The following UNC13C variants were observed in gnomAD, a reference collection of about 807,000 sequenced individuals.
UNC13C encodes the protein unc-13 homolog C.
A neutral mutation model predicts 245.4 loss-of-function variants in UNC13C; 174 were observed. The observed-to-expected ratio is 0.71, with a 90% CI of 0.63 to 0.80. The LOEUF (loss-of-function observed/expected upper bound fraction) is 0.80. UNC13C is among the 30% of genes least tolerant of loss of function. The pLI is 0.00. For synonymous variants in UNC13C, 992 were observed against 895.1 expected (o/e 1.11, Z -1.93); for missense variants, 2,829 against 2,602.9 (o/e 1.09, Z -1.89).
chr15:54,251,635 T>C (rs1173846689), intron 8 of UNC13C, among the ~76,000 whole-genome samples: 1 of 152,254 alleles, frequency 6.6e-6, no homozygotes, highest in East Asian at 1.9e-4. Context: ...ATTTATTTGG[T>C]AGTGTCACTT....
chr15:53,917,742 G>A, the UNC13C span, among the ~76,000 whole-genome samples: 1 of 152,202 alleles, frequency 6.6e-6, no homozygotes. Context: ...GATGGGCAAG[G>A]AATGTTCAAA....
In UNC13C at chr15:54,623,900, G is replaced by T; in HGVS notation, c.6305G>T (p.Gly2102Val). Residue 2102 changes from glycine (G) to valine (V), a missense_variant, in exon 32 of 33, where the codon GGC becomes GTC. By Grantham distance (109) the Gly-to-Val change is moderately radical (BLOSUM62 -3). Coordinates refer to ENST00000260323, the MANE Select transcript of UNC13C (RefSeq NM_001080534.3). The stretch of plus-strand genomic sequence containing the variant: ...CTTGGAGACAAGAAGAGAAAACAAG[G>T]CACAAAAACAAAAAGCAACACATGG... Reference protein sequence around the residue: ...PNLGDKKRKQGTKTKSNTWSP... With the variant: ...PNLGDKKRKQVTKTKSNTWSP... The T allele has an allele frequency of 1.9e-6, 3 of 1,613,206 alleles. No homozygotes were observed. The highest frequency in any genetic ancestry group is 2.5e-6 in the Non-Finnish European group (3 of 1,179,460).
intron 13 of UNC13C, chr15:54,320,979 C>G (rs927341565): frequency 7.2e-6 from 3 of 415,248 alleles, no homozygotes; most frequent in Non-Finnish European, 9.4e-6. Context: ...GCCACCATAT[C>G]CACTACCACC....
chr15:53,947,930 C>G, the UNC13C span: 17 of 152,196 alleles, frequency 1.1e-4, 1 homozygote, highest in Non-Finnish European at 1.6e-4. Context: ...TCATGATACA[C>G]ATTGTTGAAA....
At chr15:54,507,084 C>A (rs1368092261) in intron 22 of UNC13C, 33 bp from the exon 23 acceptor site, 7 of 1,438,210 alleles carry the variant, frequency 4.9e-6, no homozygotes, top group Non-Finnish European at 5.7e-6. Flanking sequence ...TACATACTTA[C>A]CTGGGTAAAG....
rs1299682916 is a variant in UNC13C at position 54,014,871 on chromosome 15, A to G, written c.1968A>G (p.Pro656=). 6.2e-6 allele frequency: 10 copies of G among 1,613,810 alleles called. No homozygotes were observed. Among genetic ancestry groups the G allele is most frequent in the African/African-American group, 2.7e-5 (2 of 74,922 alleles). The change falls in exon 2 of 33, where the codon CCA becomes CCG. Residue 656 remains proline, a synonymous_variant. Transcript: ENST00000260323. ...SQLSLHEDLS[P]WKEWNQGADL... ...TCTCTTTACATGAGGATCTTTCTCC[A>G]TGGAAGGAATGGAATCAAGGAGCTG...
intron 2 of UNC13C, among the ~76,000 whole-genome samples, chr15:54,100,823 T>A (rs1303778678): frequency 6.6e-6 from 1 of 152,128 alleles, no homozygotes; most frequent in South Asian, 2.1e-4. Context: ...ACTGACCACA[T>A]GGATTTTTTA....
the UNC13C span, among the ~76,000 whole-genome samples, chr15:53,877,707 C>A: frequency 6.6e-6 from 1 of 152,062 alleles, no homozygotes; most frequent in South Asian, 2.1e-4. Context: ...GAGAAATGTA[C>A]AGATGTTAAG....
chr15:54,184,048 G>A (rs1168936474), intron 4 of UNC13C, among the ~76,000 whole-genome samples: 1 of 151,958 alleles, frequency 6.6e-6, no homozygotes, highest in East Asian at 1.9e-4. Flanking sequence ...AATTTGTTTA[G>A]CATTATAATT....
At chr15:54,529,733 G>C (rs1895647738) in intron 25 of UNC13C, among the ~76,000 whole-genome samples, 1 of 152,170 alleles carries the variant, frequency 6.6e-6, no homozygotes, top group Admixed American at 6.5e-5. Context: ...TGGAGGAGGA[G>C]AGGAGTGGGA....
At chr15:54,357,305 C>A (rs1333425968) in intron 17 of UNC13C, among the ~76,000 whole-genome samples, 2 of 151,906 alleles carry the variant, frequency 1.3e-5, no homozygotes, top group East Asian at 3.8e-4. Context: ...AAGTATAGAG[C>A]AGAATCAAAT....
the UNC13C span, among the ~76,000 whole-genome samples, chr15:53,915,011 A>T: frequency 6.6e-6 from 1 of 152,214 alleles, no homozygotes; most frequent in African/African-American, 2.4e-5. Flanking sequence ...GGGGAATGTC[A>T]TAATGGAGGC....
At chr15:54,159,796 C>A (rs1196401794) in intron 4 of UNC13C, among the ~76,000 whole-genome samples, 18 of 152,196 alleles carry the variant, frequency 1.2e-4, no homozygotes, top group Admixed American at 1.2e-3. Context: ...TATTTTCTAA[C>A]CTGCTTTTGT....
intron 10 of UNC13C, among the ~76,000 whole-genome samples, chr15:54,267,889 A>G (rs1006084749): frequency 3.3e-5 from 5 of 151,996 alleles, no homozygotes; most frequent in Non-Finnish European, 7.4e-5. Flanking sequence ...TTGAATACAT[A>G]TTAGGCCTCC....
intron 19 of UNC13C, among the ~76,000 whole-genome samples, chr15:54,422,987 A>ATG (rs745465633): frequency 0.073 from 6,907 of 94,510 alleles, 196 homozygotes; most frequent in African/African-American, 0.13. Context: ...ACACACAACG[A>ATG]AAAAAAAACT....
chr15:54,552,652 A>AC (rs1896849394), intron 28 of UNC13C, among the ~76,000 whole-genome samples: 5 of 80,648 alleles, frequency 6.2e-5, no homozygotes, highest in Non-Finnish European at 7.9e-5. Context: ...ATAATTATAT[A>AC]ATTATATTAT....
chr15:53,991,557 C>A (rs1334725151), intron 1 of UNC13C, among the ~76,000 whole-genome samples: 1 of 151,918 alleles, frequency 6.6e-6, no homozygotes, highest in African/African-American at 2.4e-5. Flanking sequence ...CTTGGTGAAT[C>A]TTACTGGGAA....
At chr15:54,520,295 T>C (rs939240472) in intron 24 of UNC13C, among the ~76,000 whole-genome samples, 10 of 152,110 alleles carry the variant, frequency 6.6e-5, no homozygotes, top group African/African-American at 2.4e-4. Flanking sequence ...AAGATGACTT[T>C]CACATTTCTG....
chr15:54,549,751 A>C (rs1018591512), intron 28 of UNC13C, 60 bp downstream of exon 28: 21 of 1,065,938 alleles, frequency 2.0e-5, no homozygotes, highest in African/African-American at 3.1e-5. Flanking sequence ...ACAGTTCTGC[A>C]AGCATCCTCC....
Sources: allele counts gnomAD v4.1 joint callset (sites outside exome capture counted in the v4.1 genomes callset), GRCh38; gene constraint gnomAD v4.1.1; transcripts MANE v1.5; gene names NCBI Gene and HGNC (gene_info 2026-07-23, HGNC 2026-07-21).